ARHGAP19: variants seen among roughly 807,000 people sequenced by gnomAD.
The protein encoded by ARHGAP19 is Rho GTPase activating protein 19.
A neutral mutation model predicts 60.9 loss-of-function variants in ARHGAP19; 48 were observed. The ratio of observed to expected loss-of-function variants is 0.79; its 90% CI spans 0.62 to 1.00. The LOEUF (loss-of-function observed/expected upper bound fraction) is 1.00, where lower values mean the gene tolerates loss of function less well. Among genes scored for constraint, ARHGAP19 ranks in the 50% least tolerant of loss-of-function variants. The pLI is 0.00. For synonymous variants in ARHGAP19, 209 were observed against 215.5 expected (o/e 0.97, Z 0.27); for missense variants, 562 against 597.2 (o/e 0.94, Z 0.61).
At position 97,268,340 on chromosome 10, in the gene ARHGAP19, C is replaced by T. The variant is rs545373092; in HGVS notation, c.57-2215G>A. Reference sequence around the variant, plus strand: ...CTCTAGGAAGTTCCAAACTTTCCCACGTTTCCCTGTCTTCTGAGTCCTCTA... The same window carrying T: ...CTCTAGGAAGTTCCAAACTTTCCCATGTTTCCCTGTCTTCTGAGTCCTCTA... On this transcript the variant is annotated intron_variant, in intron 1 of 11. Transcript: ENST00000358531. Among the ~76,000 whole-genome samples, 6 of 152,344 alleles carry T rather than the reference C, an allele frequency of 3.9e-5. No homozygotes were observed. The South Asian group carries it at 6.2e-4, about 16-fold the overall frequency.
At chr10:97,237,165 T>C (rs1326964460) in intron 8 of ARHGAP19, among the ~76,000 whole-genome samples, 1 of 147,418 alleles carries the variant, frequency 6.8e-6, no homozygotes, top group African/African-American at 2.5e-5. Context: ...CTCAGGAGGC[T>C]GAAGTGGGAG....
At chr10:97,269,463 G>A (rs793526) in intron 1 of ARHGAP19, among the ~76,000 whole-genome samples, 142,892 of 152,272 alleles carry the variant, frequency 0.94, 67,694 homozygotes, top group East Asian at 1. Flanking sequence ...CTTTTTACAC[G>A]CTAGGTTATT....
Position 97,226,050 on chromosome 10 carries a change from T to G in ARHGAP19, c.*72A>C. On this transcript the variant is annotated 3_prime_UTR_variant, in exon 12 of 12. Transcript: ENST00000358531. ...AGCAAGCTGCAAGTCCAAGCTTTGC[T>G]GTGGGCAGGAATAACACCTGCCCAC... is the stretch of plus-strand genomic sequence containing the variant. 3 of 1,526,288 alleles carry G rather than the reference T, an allele frequency of 2.0e-6. No homozygotes were observed. Among genetic ancestry groups the G allele is most frequent in the Non-Finnish European group, 2.7e-6 (3 of 1,110,628 alleles). The allele number at this position is 1,526,288 out of a possible 1,614,324, so 94.5% of individuals were successfully genotyped here.
At chr10:97,226,742 CTAAG>C (rs1435575054) in intron 11 of ARHGAP19, among the ~76,000 whole-genome samples, 4 of 152,178 alleles carry the variant, frequency 2.6e-5, no homozygotes, top group Non-Finnish European at 4.4e-5. Flanking sequence ...GTAAATCATA[CTAAG>C]TGTCAATATT....
rs1564723360 is a variant in ARHGAP19, at chr10:97,263,371, TA to T, written c.613+48del. The T allele has an allele frequency of 2.5e-6, 4 of 1,568,696 alleles. No homozygotes were observed. The Admixed American group carries it at 6.7e-5, about 26-fold the overall frequency. On this transcript the variant is annotated intron_variant, in intron 4 of 11. Transcript: ENST00000358531. ...AACAGAAATTTCCTAGGAACTTTAC[TA>T]AATTGAAAGAAATGTATTTACATCT...
chr10:97,241,591 T>C (rs946052447), intron 8 of ARHGAP19, among the ~76,000 whole-genome samples: 33 of 150,922 alleles, frequency 2.2e-4, no homozygotes, highest in African/African-American at 8.1e-4. Context: ...CACATGCATG[T>C]AGTCCTAGCT....
At chr10:97,255,791 C>T (rs1319075490) in intron 6 of ARHGAP19, among the ~76,000 whole-genome samples, 1 of 152,166 alleles carries the variant, frequency 6.6e-6, no homozygotes, top group South Asian at 2.1e-4. Flanking sequence ...CTTAAAGGTA[C>T]TGTCCCTTAG....
intron 5 of ARHGAP19, among the ~76,000 whole-genome samples, chr10:97,257,963 A>C (rs1166622940): frequency 6.6e-6 from 1 of 152,178 alleles, no homozygotes; most frequent in Non-Finnish European, 1.5e-5. Flanking sequence ...GGTTCTTGGA[A>C]ACTATGACGT....
At chr10:97,251,223 A>G in intron 6 of ARHGAP19, among the ~76,000 whole-genome samples, 1 of 35,794 alleles carries the variant, frequency 2.8e-5, no homozygotes, top group Admixed American at 3.0e-4. Flanking sequence ...AGGGGAATGG[A>G]AGGGGAAGGG....
chr10:97,256,788 G>A (rs1008464637), intron 5 of ARHGAP19, among the ~76,000 whole-genome samples: 3 of 152,086 alleles, frequency 2.0e-5, no homozygotes, highest in African/African-American at 7.2e-5. Context: ...AAAAAAGAAT[G>A]GTCACTACTG....
At chr10:97,257,224 C>T (rs1387706486) in intron 5 of ARHGAP19, among the ~76,000 whole-genome samples, 1 of 151,874 alleles carries the variant, frequency 6.6e-6, no homozygotes, top group African/African-American at 2.4e-5. Context: ...ACTCTACTAT[C>T]CCAAAGCCCT....
At chr10:97,247,233 C>T (rs1842576592) in intron 6 of ARHGAP19, among the ~76,000 whole-genome samples, 1 of 151,994 alleles carries the variant, frequency 6.6e-6, no homozygotes, top group African/African-American at 2.4e-5. Context: ...TCACTTGAGC[C>T]CAGAAGTTCA....
rs113178660 is a variant in ARHGAP19, at chr10:97,226,445, A to C, written c.1475-313T>G. On this transcript the variant is annotated intron_variant, in intron 11 of 11. Transcript: ENST00000358531. ...ACTCCTACCATTTTACAGAGTAAGA[A>C]TCTGCAGCCTACATAGTTCATTTGC... Among the ~76,000 whole-genome samples, 379 of 152,348 alleles carry C rather than the reference A, an allele frequency of 2.5e-3. 2 individuals are homozygous for C. Among genetic ancestry groups the C allele is most frequent in the African/African-American group, 8.9e-3 (369 of 41,578 alleles).
chr10:97,252,481 G>A (rs549982227), intron 6 of ARHGAP19, among the ~76,000 whole-genome samples: 11 of 151,824 alleles, frequency 7.2e-5, no homozygotes, highest in South Asian at 2.1e-4. Flanking sequence ...AAAATTAGCC[G>A]GGCGTGGTGG....
At chr10:97,271,817 A>T (rs1281522817) in intron 1 of ARHGAP19, among the ~76,000 whole-genome samples, 1 of 151,806 alleles carries the variant, frequency 6.6e-6, no homozygotes, top group Non-Finnish European at 1.5e-5. Flanking sequence ...CTTATTTAAA[A>T]TTGTGTATTG....
At chr10:97,252,820 A>C (rs541718672) in intron 6 of ARHGAP19, among the ~76,000 whole-genome samples, 1 of 152,304 alleles carries the variant, frequency 6.6e-6, no homozygotes, top group Admixed American at 6.6e-5. Flanking sequence ...TTCAAAGGGA[A>C]GAAAATCAGT....
Position 97,254,766 on chromosome 10 carries a change from A to C in ARHGAP19, c.927+1552T>G, listed in dbSNP as rs565339248. On this transcript the variant is annotated intron_variant, in intron 6 of 11. Transcript: ENST00000358531. ...AAAAGGCAACCCACAGAATAGGAGA[A>C]AATATTTGTCCATATAGCTGATAAA... Among the ~76,000 whole-genome samples the C allele has an allele frequency of 5.8e-4, 88 of 152,290 alleles. 1 individual carries two copies. In the South Asian group the frequency reaches 0.018, roughly 31 times the overall value.
chr10:97,252,297 A>T (rs892492003), intron 6 of ARHGAP19, among the ~76,000 whole-genome samples: 1 of 151,170 alleles, frequency 6.6e-6, no homozygotes, highest in Non-Finnish European at 1.5e-5. Flanking sequence ...ACCACACTCC[A>T]GCCTGGGTGA....
At chr10:97,273,484 CTT>C (rs11442502) in intron 1 of ARHGAP19, among the ~76,000 whole-genome samples, 14 of 92,514 alleles carry the variant, frequency 1.5e-4, no homozygotes, top group Middle Eastern at 0.01. Flanking sequence ...TTTCTGCTCT[CTT>C]TTTTTTTTTT....
Sources: gnomAD v4.1 joint callset for allele counts (sites outside exome capture counted in the v4.1 genomes callset) on GRCh38, gnomAD v4.1.1 for gene constraint, MANE v1.5 for transcripts, NCBI Gene and HGNC (gene_info 2026-07-23, HGNC 2026-07-21) for gene names.